The following LRRC8C variants were observed in gnomAD, a reference collection of about 807,000 sequenced individuals.
The protein encoded by LRRC8C is leucine rich repeat containing 8 VRAC subunit C, also known as volume-regulated anion channel subunit LRRC8C.
Under a neutral mutation model 55.3 loss-of-function variants are expected in LRRC8C, and 20 were observed. That is an observed-to-expected ratio of 0.36 (90% CI 0.25 to 0.53). The LOEUF is 0.53. LRRC8C is among the 20% of genes least tolerant of loss of function. The pLI is 0.92. For missense variants in LRRC8C, 659 were observed against 951.4 expected (o/e 0.69, Z 4.04); for synonymous variants, 376 against 360.7 (o/e 1.04, Z -0.48).
intron 2 of LRRC8C, among the ~76,000 whole-genome samples, chr1:89,692,153 T>C (rs748997241): frequency 2.6e-5 from 4 of 152,228 alleles, no homozygotes; most frequent in Non-Finnish European, 5.9e-5. Flanking sequence ...TCTGTGAAGC[T>C]CAAGTTCCTT....
At chr1:89,642,239 C>T (rs776297638) in intron 1 of LRRC8C, among the ~76,000 whole-genome samples, 2 of 152,106 alleles carry the variant, frequency 1.3e-5, no homozygotes, top group African/African-American at 2.4e-5. Flanking sequence ...AGTTATATTC[C>T]GTACTGCCTA....
chr1:89,664,518 A>G (rs1657204712), intron 1 of LRRC8C, among the ~76,000 whole-genome samples: 1 of 152,202 alleles, frequency 6.6e-6, no homozygotes, highest in South Asian at 2.1e-4. Flanking sequence ...TTTTGGTACC[A>G]GTACCATGCT....
intron 2 of LRRC8C, among the ~76,000 whole-genome samples, chr1:89,701,743 C>G (rs1658332438): frequency 6.6e-6 from 1 of 152,084 alleles, no homozygotes; most frequent in Admixed American, 6.5e-5. Context: ...CAATTCAAAA[C>G]AGTCCTGTGT....
chr1:89,655,167 G>A (rs935192615), intron 1 of LRRC8C, among the ~76,000 whole-genome samples: 61 of 151,262 alleles, frequency 4.0e-4, no homozygotes, highest in African/African-American at 1.0e-3. Flanking sequence ...ATTTTTCCCC[G>A]TCTGTTTTTT....
intron 2 of LRRC8C, among the ~76,000 whole-genome samples, chr1:89,689,658 C>T (rs989921714): frequency 2.6e-5 from 4 of 152,036 alleles, no homozygotes; most frequent in African/African-American, 7.2e-5. Context: ...AAAGAGAAAT[C>T]GGCCGGGCAT....
chr1:89,617,708 T>G, the LRRC8C span, among the ~76,000 whole-genome samples: 3 of 152,212 alleles, frequency 2.0e-5, no homozygotes, highest in South Asian at 2.1e-4. Flanking sequence ...ATGCCAGTCA[T>G]GAGTCTCAGG....
upstream of LRRC8C, among the ~76,000 whole-genome samples, chr1:89,629,202 G>T (rs924501696): frequency 5.3e-5 from 8 of 152,170 alleles, no homozygotes; most frequent in African/African-American, 1.9e-4. Context: ...CATTTATCTT[G>T]CAGGTATTAA....
upstream of LRRC8C, among the ~76,000 whole-genome samples, chr1:89,628,988 T>C (rs554375980): frequency 6.6e-6 from 1 of 152,294 alleles, no homozygotes; most frequent in Non-Finnish European, 1.5e-5. Flanking sequence ...ATTCCTTCAT[T>C]TTGGGGTATC....
Position 89,686,987 on chromosome 1 carries a change from C to G in LRRC8C, c.138+376C>G, listed in dbSNP as rs536175178. Reference sequence around the variant, plus strand: ...GCTTTTATTCATCCTTTACCCTTACCCCTAATAAGATTTTCTGGAAGAACT... The same window carrying G: ...GCTTTTATTCATCCTTTACCCTTACGCCTAATAAGATTTTCTGGAAGAACT... On this transcript the variant is annotated intron_variant, in intron 2 of 2. Transcript: ENST00000370454. Among the ~76,000 whole-genome samples the G allele has an allele frequency of 3.3e-5, 5 of 152,214 alleles. No homozygotes were observed. The South Asian group carries it at 1.0e-3, about 32-fold the overall frequency.
intron 1 of LRRC8C, among the ~76,000 whole-genome samples, chr1:89,665,484 G>A (rs1034545801): frequency 3.3e-5 from 5 of 152,138 alleles, no homozygotes; most frequent in East Asian, 3.9e-4. Context: ...TGGCGTCTTC[G>A]TTTTTAGTTA....
At chr1:89,636,019 A>G (rs1271085571) in intron 1 of LRRC8C, among the ~76,000 whole-genome samples, 5 of 152,322 alleles carry the variant, frequency 3.3e-5, no homozygotes, top group Admixed American at 1.3e-4. Context: ...CTGGTTTGGC[A>G]TGGGGTAAAG....
intron 1 of LRRC8C, among the ~76,000 whole-genome samples, chr1:89,676,554 A>G (rs1657552788): frequency 6.6e-6 from 1 of 152,170 alleles, no homozygotes; most frequent in African/African-American, 2.4e-5. Context: ...GTTGGTCCTT[A>G]CTACAAAATG....
intron 2 of LRRC8C, among the ~76,000 whole-genome samples, chr1:89,694,323 C>G (rs767683544): frequency 5.3e-5 from 8 of 151,862 alleles, no homozygotes; most frequent in Admixed American, 5.3e-4. Flanking sequence ...AAATTATATT[C>G]CAGGGAGAAA....
chr1:89,618,384 T>C, the LRRC8C span, among the ~76,000 whole-genome samples: 4 of 152,240 alleles, frequency 2.6e-5, no homozygotes, highest in East Asian at 7.7e-4. Flanking sequence ...AGTTTAAGTT[T>C]TTCCCTTTGG....
At chr1:89,701,768 C>T (rs1285296326) in intron 2 of LRRC8C, among the ~76,000 whole-genome samples, 3 of 152,114 alleles carry the variant, frequency 2.0e-5, no homozygotes, top group African/African-American at 7.2e-5. Context: ...TGTGTATAGT[C>T]ATGATAGATA....
intron 2 of LRRC8C, among the ~76,000 whole-genome samples, chr1:89,701,670 T>C (rs896937064): frequency 2.0e-5 from 3 of 152,154 alleles, no homozygotes; most frequent in Non-Finnish European, 4.4e-5. Context: ...TCATAATAAT[T>C]TGTCTCGACT....
At chr1:89,709,268 G>A (rs776972765) in intron 2 of LRRC8C, among the ~76,000 whole-genome samples, 2 of 152,242 alleles carry the variant, frequency 1.3e-5, no homozygotes, top group Non-Finnish European at 2.9e-5. Context: ...TTTCCTAGCT[G>A]CGTGAACTTG....
At chr1:89,690,715 T>C (rs1054287796) in intron 2 of LRRC8C, among the ~76,000 whole-genome samples, 1 of 152,214 alleles carries the variant, frequency 6.6e-6, no homozygotes, top group Admixed American at 6.5e-5. Context: ...CCTCTTTTCC[T>C]GTGTGCTGGT....
chr1:89,672,601 G>A (rs1657452838), intron 1 of LRRC8C, among the ~76,000 whole-genome samples: 1 of 152,090 alleles, frequency 6.6e-6, no homozygotes, highest in African/African-American at 2.4e-5. Context: ...AATCTATTCA[G>A]CCTCTAGAAA....
Sources: allele counts gnomAD v4.1 joint callset (sites outside exome capture counted in the v4.1 genomes callset), GRCh38; gene constraint gnomAD v4.1.1; transcripts MANE v1.5; gene names NCBI Gene and HGNC (gene_info 2026-07-23, HGNC 2026-07-21).